RAD51B: variants seen among roughly 807,000 people sequenced by gnomAD.
RAD51B encodes the protein RAD51 paralog B, also known as DNA repair protein RAD51 homolog 2.
Under a neutral mutation model 42.2 loss-of-function variants are expected in RAD51B, and 38 were observed. That is an observed-to-expected ratio of 0.90 (90% CI 0.70 to 1.18). The LOEUF (loss-of-function observed/expected upper bound fraction) is 1.18, where lower values mean the gene tolerates loss of function less well. Among genes scored for constraint, RAD51B ranks in the 50% most tolerant of loss-of-function variants. RAD51B has a pLI of 0.00. For synonymous variants in RAD51B, 154 were observed against 145.2 expected (o/e 1.06, Z -0.43); for missense variants, 373 against 400.7 (o/e 0.93, Z 0.59).
chr14:67,870,123 TA>T (rs1309432274), intron 5 of RAD51B, among the ~76,000 whole-genome samples: 6 of 149,568 alleles, frequency 4.0e-5, no homozygotes, highest in Admixed American at 1.3e-4. Flanking sequence ...ATGCTCCAAT[TA>T]AAAGACACAG....
intron 10 of RAD51B, among the ~76,000 whole-genome samples, chr14:68,578,743 A>T (rs4902603): frequency 0.58 from 88,618 of 152,084 alleles, 26,346 homozygotes; most frequent in Middle Eastern, 0.66. Flanking sequence ...AGTGGTCTGG[A>T]CTCAGGTACC....
chr14:68,309,510 A>C (rs556030790), intron 8 of RAD51B, among the ~76,000 whole-genome samples: 1 of 152,304 alleles, frequency 6.6e-6, no homozygotes, highest in East Asian at 1.9e-4. Context: ...CAAAGGAAGA[A>C]TCCAGCAGAC....
At chr14:68,483,781 G>T (rs1228640538) in intron 10 of RAD51B, among the ~76,000 whole-genome samples, 1 of 152,170 alleles carries the variant, frequency 6.6e-6, no homozygotes, top group Non-Finnish European at 1.5e-5. Context: ...AGTGCTGATG[G>T]CAGCCTTGCC....
chr14:68,537,109 A>AAAAAAT (rs1887669720), intron 10 of RAD51B, among the ~76,000 whole-genome samples: 1 of 150,284 alleles, frequency 6.7e-6, no homozygotes, highest in African/African-American at 2.4e-5. Flanking sequence ...AAAAAAAAAA[A>AAAAAAT]AGGCACCCAA....
intron 10 of RAD51B, among the ~76,000 whole-genome samples, chr14:68,473,092 A>T (rs936252515): frequency 6.6e-6 from 1 of 152,198 alleles, no homozygotes; most frequent in African/African-American, 2.4e-5. Flanking sequence ...TGAATCAGTA[A>T]CCTATCAAAA....
chr14:68,654,695 C>T (rs942506621), intron 11 of RAD51B, among the ~76,000 whole-genome samples: 1 of 152,154 alleles, frequency 6.6e-6, no homozygotes, highest in African/African-American at 2.4e-5. Flanking sequence ...GATAGGAAGG[C>T]CCCCAACTCT....
intron 8 of RAD51B, among the ~76,000 whole-genome samples, chr14:68,377,361 T>A (rs1310778303): frequency 6.6e-6 from 1 of 152,178 alleles, no homozygotes; most frequent in Non-Finnish European, 1.5e-5. Context: ...TATAACCTCA[T>A]ACCTTCTCTA....
chr14:67,955,810 G>A (rs2074535503), intron 7 of RAD51B, among the ~76,000 whole-genome samples: 1 of 152,206 alleles, frequency 6.6e-6, no homozygotes, highest in Non-Finnish European at 1.5e-5. Context: ...TAACATGAAT[G>A]TGTCATTAAG....
chr14:68,511,098 G>A (rs1400231208), intron 10 of RAD51B, among the ~76,000 whole-genome samples: 2 of 152,350 alleles, frequency 1.3e-5, no homozygotes, highest in East Asian at 3.9e-4. Context: ...ACTTGAGGCT[G>A]TGAGTAGAGT....
At chr14:68,267,357 G>GA (rs912337310) in intron 7 of RAD51B, among the ~76,000 whole-genome samples, 7 of 151,966 alleles carry the variant, frequency 4.6e-5, no homozygotes, top group South Asian at 2.1e-4. Flanking sequence ...GGTATTATAT[G>GA]AAAAAAATTC....
chr14:68,572,440 TG>T (rs955127721), intron 10 of RAD51B, among the ~76,000 whole-genome samples: 1 of 152,250 alleles, frequency 6.6e-6, no homozygotes, highest in South Asian at 2.1e-4. Flanking sequence ...AAATAAGATG[TG>T]GGCATTGCTC....
intron 7 of RAD51B, among the ~76,000 whole-genome samples, chr14:67,955,874 A>G (rs2074536788): frequency 6.6e-6 from 1 of 152,142 alleles, no homozygotes; most frequent in Non-Finnish European, 1.5e-5. Flanking sequence ...ACAGATGAAG[A>G]TGGGATTGGG....
At chr14:68,649,928 G>T (rs1332705086) in intron 10 of RAD51B, among the ~76,000 whole-genome samples, 1 of 152,196 alleles carries the variant, frequency 6.6e-6, no homozygotes, top group African/African-American at 2.4e-5. Flanking sequence ...GACTCCTTCT[G>T]CCTTAAGACA....
intron 4 of RAD51B, among the ~76,000 whole-genome samples, chr14:67,844,736 AT>A (rs745550013): frequency 5.9e-5 from 9 of 151,896 alleles, no homozygotes; most frequent in Admixed American, 2.0e-4. Context: ...CGTCATTTAC[AT>A]TAGGTATATC....
At chr14:68,437,886 G>C (rs1594837424) in intron 9 of RAD51B, among the ~76,000 whole-genome samples, 2 of 152,182 alleles carry the variant, frequency 1.3e-5, no homozygotes, top group Non-Finnish European at 2.9e-5. Flanking sequence ...AACAAAACTT[G>C]AAAAGTGCAT....
chr14:67,919,892 G>A (rs2877369), intron 7 of RAD51B, among the ~76,000 whole-genome samples: 1 of 152,006 alleles, frequency 6.6e-6, no homozygotes, highest in Admixed American at 6.6e-5. Context: ...AACTGGCAAA[G>A]CAAGAGCTTG....
At chr14:68,127,323 C>T (rs966644477) in intron 7 of RAD51B, among the ~76,000 whole-genome samples, 2 of 152,148 alleles carry the variant, frequency 1.3e-5, no homozygotes, top group Admixed American at 6.6e-5. Context: ...ATTATATGCT[C>T]TTAAAAGCAC....
At chr14:68,134,238 T>G (rs1019671420) in intron 7 of RAD51B, among the ~76,000 whole-genome samples, 4 of 152,176 alleles carry the variant, frequency 2.6e-5, no homozygotes, top group Non-Finnish European at 4.4e-5. Context: ...CTTTTTCCAC[T>G]TTTCTTATGG....
At chr14:67,891,494 T>C (rs2043217661) in intron 7 of RAD51B, among the ~76,000 whole-genome samples, 1 of 152,128 alleles carries the variant, frequency 6.6e-6, no homozygotes, top group Non-Finnish European at 1.5e-5. Flanking sequence ...AATTTTGCTA[T>C]TTTAAAGACA....
Sources: allele counts gnomAD v4.1 joint callset (sites outside exome capture counted in the v4.1 genomes callset), GRCh38; gene constraint gnomAD v4.1.1; transcripts MANE v1.5; gene names NCBI Gene and HGNC (gene_info 2026-07-23, HGNC 2026-07-21).